Variants in DAB1 observed in about 807,000 individuals in gnomAD.
DAB1 encodes DAB adaptor protein 1, also known as disabled homolog 1.
DAB1 carries 15 observed loss-of-function variants against 64.6 expected under a neutral mutation model. The ratio of observed to expected loss-of-function variants is 0.23; its 90% CI spans 0.16 to 0.36. The LOEUF is 0.36. DAB1 is among the 10% of genes least tolerant of loss of function. The pLI is 1.00. For synonymous variants in DAB1, 235 were observed against 251.9 expected, an observed-to-expected ratio of 0.93 and a Z score of 0.64; for missense variants, 596 against 706.7, an observed-to-expected ratio of 0.84 and a Z score of 1.78.
intron 5 of DAB1, among the ~76,000 whole-genome samples, chr1:57,954,118 G>A (rs1383312607): frequency 6.6e-6 from 1 of 152,074 alleles, no homozygotes; most frequent in Non-Finnish European, 1.5e-5. Flanking sequence ...GGGGATGAGG[G>A]GTGTCCATCC....
At chr1:57,687,053 C>G (rs551403232) in intron 6 of DAB1, among the ~76,000 whole-genome samples, 2 of 152,086 alleles carry the variant, frequency 1.3e-5, no homozygotes, top group East Asian at 1.9e-4. Flanking sequence ...AGCAATCAGG[C>G]AAGAGAAAGA....
intron 3 of DAB1, among the ~76,000 whole-genome samples, chr1:58,363,326 T>C (rs1377281535): frequency 6.6e-6 from 1 of 152,200 alleles, no homozygotes; most frequent in African/African-American, 2.4e-5. Context: ...ATAGAAATTT[T>C]CCAAGGACCT....
rs187177404 is a variant in DAB1, at chr1:57,654,024, A to T, written n.552-4359T>A. ...CAGATTTAAACATTTTTCCAATTTG[A>T]TAGATATAAAATATCTTATTGTGTT... is the stretch of plus-strand genomic sequence containing the variant. On this transcript the variant is annotated intron_variant and non_coding_transcript_variant, in intron 6 of 20. Coordinates refer to the DAB1 transcript ENST00000485760. Among the ~76,000 whole-genome samples, 20 of 152,364 alleles carry T rather than the reference A, an allele frequency of 1.3e-4. No individual in the cohort carries two copies. The East Asian group carries it at 3.5e-3, about 26-fold the overall frequency.
At chr1:58,095,657 C>T (rs2002058) in intron 5 of DAB1, among the ~76,000 whole-genome samples, 17,816 of 152,248 alleles carry the variant, frequency 0.12, 1,432 homozygotes, top group Non-Finnish European at 0.19. Flanking sequence ...TTCTTCCTGA[C>T]GGATATTGTT....
intron 5 of DAB1, among the ~76,000 whole-genome samples, chr1:58,122,674 G>T (rs1425265019): frequency 1.3e-5 from 2 of 152,046 alleles, no homozygotes; most frequent in Non-Finnish European, 2.9e-5. Flanking sequence ...TCCAAGAATT[G>T]GCCCCATCAC....
chr1:57,500,898 T>C (rs1475652584), intron 7 of DAB1, among the ~76,000 whole-genome samples: 4 of 152,242 alleles, frequency 2.6e-5, no homozygotes, highest in Non-Finnish European at 4.4e-5. Context: ...TGGAGCTTTT[T>C]ACCTGGCAAA....
chr1:57,598,032 C>G (rs938352211), intron 7 of DAB1, among the ~76,000 whole-genome samples: 99 of 152,232 alleles, frequency 6.5e-4, no homozygotes, highest in African/African-American at 2.4e-3. Context: ...ACCCAGGCTG[C>G]AGTGCAGTGG....
intron 4 of DAB1, among the ~76,000 whole-genome samples, chr1:57,107,257 C>T (rs1335596011): frequency 6.6e-6 from 1 of 151,838 alleles, no homozygotes; most frequent in Admixed American, 6.6e-5. Context: ...TGCCTGTAAT[C>T]CCAGCTACTT....
chr1:57,944,700 T>C (rs1645158025), intron 5 of DAB1, among the ~76,000 whole-genome samples: 1 of 152,180 alleles, frequency 6.6e-6, no homozygotes, highest in Non-Finnish European at 1.5e-5. Flanking sequence ...CTCTTCATGT[T>C]AGCGTAAACA....
At chr1:57,857,578 T>C (rs1557519891) in intron 1 of DAB1, among the ~76,000 whole-genome samples, 1 of 152,158 alleles carries the variant, frequency 6.6e-6, no homozygotes, top group Admixed American at 6.5e-5. Flanking sequence ...TTATAGATGA[T>C]GAATCTGAGC....
chr1:58,421,456 G>A (rs1644771217), intron 3 of DAB1, among the ~76,000 whole-genome samples: 1 of 152,142 alleles, frequency 6.6e-6, no homozygotes, highest in South Asian at 2.1e-4. Context: ...AAATGGACTG[G>A]CAGAAAAAAA....
At chr1:57,567,612 A>G (rs969713404) in intron 7 of DAB1, among the ~76,000 whole-genome samples, 1 of 152,224 alleles carries the variant, frequency 6.6e-6, no homozygotes. Context: ...CAAAAATCAC[A>G]TGCATTCTTA....
chr1:58,154,680 G>A (rs1340252897), intron 4 of DAB1, among the ~76,000 whole-genome samples: 1 of 152,108 alleles, frequency 6.6e-6, no homozygotes, highest in Admixed American at 6.5e-5. Context: ...CAGAAAAGGG[G>A]AGTAATTGTC....
intron 4 of DAB1, among the ~76,000 whole-genome samples, chr1:58,314,549 C>G (rs963663167): frequency 1.2e-4 from 18 of 152,192 alleles, no homozygotes; most frequent in African/African-American, 4.3e-4. Flanking sequence ...TACTCACTCT[C>G]CCAGCAAGTG....
At chr1:57,663,102 A>G (rs1242761508) in intron 6 of DAB1, among the ~76,000 whole-genome samples, 1 of 152,188 alleles carries the variant, frequency 6.6e-6, no homozygotes, top group African/African-American at 2.4e-5. Context: ...TACAGGAAGC[A>G]TGGTTAGGGA....
intron 7 of DAB1, among the ~76,000 whole-genome samples, chr1:57,467,830 C>T (rs1387209961): frequency 6.6e-6 from 1 of 152,138 alleles, no homozygotes; most frequent in Non-Finnish European, 1.5e-5. Context: ...TTACAGTGGG[C>T]AGAAAGAAAA....
chr1:58,076,425 T>C (rs1479314918), intron 5 of DAB1, among the ~76,000 whole-genome samples: 1 of 152,166 alleles, frequency 6.6e-6, no homozygotes, highest in East Asian at 1.9e-4. Context: ...AAGCACTTTG[T>C]TTCTCCCGGC....
chr1:57,735,449 A>ATAAG (rs1647638527), intron 6 of DAB1, among the ~76,000 whole-genome samples: 1 of 152,138 alleles, frequency 6.6e-6, no homozygotes, highest in South Asian at 2.1e-4. Flanking sequence ...TAATTATTTA[A>ATAAG]TAAGTACTGC....
intron 4 of DAB1, among the ~76,000 whole-genome samples, chr1:57,122,554 T>C (rs1656756719): frequency 1.3e-5 from 2 of 152,186 alleles, no homozygotes; most frequent in South Asian, 4.1e-4. Context: ...TTCAGTTCTC[T>C]AGAAGACCTC....
Sources: allele counts gnomAD v4.1 joint callset (sites outside exome capture counted in the v4.1 genomes callset), GRCh38; gene constraint gnomAD v4.1.1; transcripts MANE v1.5; gene names NCBI Gene and HGNC (gene_info 2026-07-23, HGNC 2026-07-21).